CSMD3: variants seen among roughly 807,000 people sequenced by gnomAD.
CSMD3 encodes CUB and Sushi multiple domains 3, also known as CUB and sushi domain-containing protein 3.
A neutral mutation model predicts 435.2 loss-of-function variants in CSMD3; 177 were observed. That is an observed-to-expected ratio of 0.41 (90% confidence interval 0.36 to 0.46). The LOEUF is 0.46. CSMD3 is among the 20% of genes least tolerant of loss of function. The pLI, the probability that CSMD3 is intolerant of heterozygous loss-of-function variation, is 0.34. For synonymous variants in CSMD3, 1,656 were observed against 1,520.5 expected (o/e 1.09, Z -2.07); for missense variants, 4,265 against 4,504.6 (o/e 0.95, Z 1.52).
At chr8:113,047,244 T>G (rs545879643) in intron 5 of CSMD3, among the ~76,000 whole-genome samples, 1 of 152,358 alleles carries the variant, frequency 6.6e-6, no homozygotes, top group Non-Finnish European at 1.5e-5. Context: ...TCTTCACTTA[T>G]ATTTCTTGTC....
chr8:113,259,270 A>G (rs1424830737), intron 3 of CSMD3, among the ~76,000 whole-genome samples: 1 of 152,068 alleles, frequency 6.6e-6, no homozygotes, highest in Non-Finnish European at 1.5e-5. Context: ...GTACGTTTTC[A>G]TTTTCCCATG....
At chr8:113,374,000 C>T (rs983478095) in intron 1 of CSMD3, among the ~76,000 whole-genome samples, 4 of 151,952 alleles carry the variant, frequency 2.6e-5, no homozygotes, top group Non-Finnish European at 5.9e-5. Context: ...AATTCAGGTC[C>T]AATTAAATAT....
intron 2 of CSMD3, among the ~76,000 whole-genome samples, chr8:113,290,537 ATTAT>A (rs1006391552): frequency 4.6e-5 from 7 of 151,828 alleles, no homozygotes; most frequent in Admixed American, 1.3e-4. Flanking sequence ...CTCTGAGATG[ATTAT>A]TTATTTGTGT....
chr8:112,364,217 A>G (rs1049519577), intron 38 of CSMD3, among the ~76,000 whole-genome samples: 1 of 151,964 alleles, frequency 6.6e-6, no homozygotes, highest in African/African-American at 2.4e-5. Flanking sequence ...TTTTGAGACT[A>G]ATTTTATGCT....
chr8:112,376,132 C>T (rs1828917455), intron 38 of CSMD3, among the ~76,000 whole-genome samples: 1 of 152,090 alleles, frequency 6.6e-6, no homozygotes, highest in Non-Finnish European at 1.5e-5. Flanking sequence ...CTAAATGTAG[C>T]TGATTATTTA....
chr8:112,782,816 A>C (rs2078425909), intron 13 of CSMD3, among the ~76,000 whole-genome samples: 1 of 152,088 alleles, frequency 6.6e-6, no homozygotes, highest in South Asian at 2.1e-4. Context: ...TGAAAGAAAA[A>C]AAAAATCTAT....
At chr8:113,161,633 A>C (rs2131835472) in intron 4 of CSMD3, among the ~76,000 whole-genome samples, 1 of 152,254 alleles carries the variant, frequency 6.6e-6, no homozygotes, top group South Asian at 2.1e-4. Context: ...TTTATGATAG[A>C]TACTTTTACC....
At chr8:112,839,447 T>G (rs942322519) in intron 11 of CSMD3, among the ~76,000 whole-genome samples, 3 of 151,770 alleles carry the variant, frequency 2.0e-5, no homozygotes, top group African/African-American at 7.2e-5. Flanking sequence ...CCATCATTTA[T>G]TCATGCTTAG....
At chr8:112,712,298 A>G (rs1227366692) in intron 13 of CSMD3, among the ~76,000 whole-genome samples, 2 of 152,196 alleles carry the variant, frequency 1.3e-5, no homozygotes, top group African/African-American at 4.8e-5. Context: ...AGGGGTAATT[A>G]AAATTTTACT....
chr8:113,104,096 C>T (rs892879217), intron 4 of CSMD3, among the ~76,000 whole-genome samples: 46 of 152,060 alleles, frequency 3.0e-4, no homozygotes, highest in Non-Finnish European at 1.3e-4. Context: ...CAATACTGAT[C>T]TCATACTATG....
intron 54 of CSMD3, among the ~76,000 whole-genome samples, chr8:112,294,075 C>A (rs1342041756): frequency 6.6e-6 from 1 of 151,444 alleles, no homozygotes; most frequent in Non-Finnish European, 1.5e-5. Context: ...AATCATCAGA[C>A]AATCAATTTG....
At chr8:112,666,756 TG>T (rs1433264556) in intron 16 of CSMD3, among the ~76,000 whole-genome samples, 1 of 152,152 alleles carries the variant, frequency 6.6e-6, no homozygotes, top group Admixed American at 6.6e-5. Flanking sequence ...TTGTTAGCTT[TG>T]GTTTCTTTCT....
At chr8:112,928,567 T>C (rs921938333) in intron 9 of CSMD3, among the ~76,000 whole-genome samples, 2 of 151,714 alleles carry the variant, frequency 1.3e-5, no homozygotes, top group African/African-American at 4.8e-5. Flanking sequence ...GATAGTTTAC[T>C]GAGAATGATG....
chr8:112,475,221 G>C (rs16883708), intron 31 of CSMD3, among the ~76,000 whole-genome samples: 42,987 of 152,042 alleles, frequency 0.28, 6,381 homozygotes, highest in East Asian at 0.5. Flanking sequence ...CTGTAACTTA[G>C]TCATGAACAT....
At chr8:113,047,034 A>G (rs1307928765) in intron 5 of CSMD3, among the ~76,000 whole-genome samples, 1 of 152,170 alleles carries the variant, frequency 6.6e-6, no homozygotes, top group African/African-American at 2.4e-5. Context: ...CATCAGGTTG[A>G]TGGAGTTCTG....
intron 2 of CSMD3, among the ~76,000 whole-genome samples, chr8:113,289,827 T>G (rs1266692621): frequency 6.6e-6 from 1 of 151,732 alleles, no homozygotes; most frequent in East Asian, 1.9e-4. Context: ...TTTCCCATAT[T>G]GACAATTTTT....
intron 1 of CSMD3, among the ~76,000 whole-genome samples, chr8:113,370,289 A>G (rs1396373951): frequency 1.3e-5 from 2 of 151,808 alleles, no homozygotes; most frequent in African/African-American, 4.8e-5. Context: ...GTTTACACAC[A>G]GAATAGCATA....
At chr8:112,983,904 A>G (rs2085148876) in intron 6 of CSMD3, among the ~76,000 whole-genome samples, 1 of 152,080 alleles carries the variant, frequency 6.6e-6, no homozygotes, top group African/African-American at 2.4e-5. Context: ...AAATACGCTC[A>G]AGTAAAGTAG....
chr8:112,965,399 G>C (rs1305734552), intron 7 of CSMD3, among the ~76,000 whole-genome samples: 1 of 151,630 alleles, frequency 6.6e-6, no homozygotes, highest in Non-Finnish European at 1.5e-5. Context: ...GAGATATAGT[G>C]TGTTAATATA....
Sources: gnomAD v4.1 joint callset for allele counts (sites outside exome capture counted in the v4.1 genomes callset) on GRCh38, gnomAD v4.1.1 for gene constraint, MANE v1.5 for transcripts, NCBI Gene and HGNC (gene_info 2026-07-23, HGNC 2026-07-21) for gene names.